Variants in MAP2K4 observed in about 807,000 individuals in gnomAD.
The protein encoded by MAP2K4 is dual specificity mitogen-activated protein kinase kinase 4.
Under a neutral mutation model 48.5 loss-of-function variants are expected in MAP2K4, and 4 were observed. That is an observed-to-expected ratio of 0.08 (90% confidence interval 0.04 to 0.19). MAP2K4 has a LOEUF of 0.19. Ranked by LOEUF, MAP2K4 falls within the 10% of genes least tolerant of loss-of-function variation. MAP2K4 has a pLI of 1.00. For synonymous variants in MAP2K4, 166 were observed against 173.1 expected (o/e 0.96, Z 0.32); for missense variants, 258 against 493.3 (o/e 0.52, Z 4.52).
chr17:12,110,619 ATCTT>A lies in MAP2K4; in HGVS notation c.685+194_685+197del, dbSNP rs1480564192. 50 of 535,998 alleles carry A rather than the reference ATCTT, an allele frequency of 9.3e-5. No homozygotes were observed. The African/African-American group carries it at 9.4e-4, about 10-fold the overall frequency. 33.2% of individuals were successfully genotyped at this position (535,998 alleles called of 1,614,324 possible). A position where few individuals can be genotyped will look rare whatever the true frequency, so the allele number is the denominator to read the frequency against. ...TTTGGGATTCAATAAATTTCAGTCT[ATCTT>A]AGTATGTTGGACTTAGAAACTGAAA... On this transcript the variant is annotated intron_variant, in intron 6 of 10. Coordinates refer to ENST00000353533, the MANE Select transcript of MAP2K4 (RefSeq NM_003010.4).
intron 2 of MAP2K4, among the ~76,000 whole-genome samples, chr17:12,080,010 T>G (rs1272832288): frequency 6.6e-6 from 1 of 152,228 alleles, no homozygotes; most frequent in Non-Finnish European, 1.5e-5. Flanking sequence ...TATCACTTAG[T>G]ATGATTTGAA....
At chr17:12,058,219 A>G (rs889282824) in intron 2 of MAP2K4, among the ~76,000 whole-genome samples, 4 of 147,782 alleles carry the variant, frequency 2.7e-5, no homozygotes, top group African/African-American at 9.9e-5. Flanking sequence ...GGAATTAACT[A>G]GACCTTTCTT....
intron 2 of MAP2K4, among the ~76,000 whole-genome samples, chr17:12,062,743 A>G (rs536914243): frequency 4.1e-4 from 63 of 152,136 alleles, no homozygotes; most frequent in African/African-American, 1.4e-3. Flanking sequence ...AATGTTTTCT[A>G]TTTTCCATGG....
intron 4 of MAP2K4, among the ~76,000 whole-genome samples, chr17:12,104,824 A>G (rs531766975): frequency 1.3e-5 from 2 of 152,226 alleles, no homozygotes; most frequent in South Asian, 4.1e-4. Flanking sequence ...TTTTTCCTAT[A>G]TAAAAGTCAT....
At chr17:12,113,020 C>A in intron 6 of MAP2K4, 1 of 377,142 alleles carries the variant, frequency 2.7e-6, no homozygotes, top group East Asian at 3.7e-5. Context: ...TTTGCTGTTA[C>A]ATTTACACAA....
intron 7 of MAP2K4, chr17:12,115,659 A>C (rs370429210): frequency 1.1e-5 from 8 of 754,848 alleles, no homozygotes; most frequent in Non-Finnish European, 1.5e-5. Flanking sequence ...TAACACAGCA[A>C]AGTGAACCAG....
intron 1 of MAP2K4, among the ~76,000 whole-genome samples, chr17:12,054,635 A>G (rs1450803578): frequency 1.3e-5 from 2 of 152,176 alleles, no homozygotes; most frequent in African/African-American, 4.8e-5. Flanking sequence ...TTCCCTGAAT[A>G]ATGGAAACTT....
intron 2 of MAP2K4, among the ~76,000 whole-genome samples, chr17:12,080,025 T>A (rs1971138483): frequency 6.6e-6 from 1 of 152,242 alleles, no homozygotes; most frequent in Non-Finnish European, 1.5e-5. Context: ...TTTGAAAGTC[T>A]GTTATTTGGA....
intron 9 of MAP2K4, among the ~76,000 whole-genome samples, chr17:12,131,234 CTT>C (rs11307653): frequency 6.3e-4 from 83 of 130,884 alleles, no homozygotes; most frequent in East Asian, 4.0e-3. Flanking sequence ...GGTCACATTT[CTT>C]TTTTTTTTTT....
intron 1 of MAP2K4, among the ~76,000 whole-genome samples, chr17:12,054,657 A>T (rs942013697): frequency 2.0e-5 from 3 of 152,168 alleles, no homozygotes; most frequent in Admixed American, 2.0e-4. Flanking sequence ...AAGTGATAGC[A>T]TTCTATCTAT....
At position 12,141,155 on chromosome 17, in the gene MAP2K4, C is replaced by G. The variant is rs933019550; in HGVS notation, c.1095C>G (p.Pro365=). 6 of 1,608,720 alleles carry G rather than the reference C, an allele frequency of 3.7e-6. No homozygotes were observed. Among genetic ancestry groups the G allele is most frequent in the African/African-American group, 1.3e-5 (1 of 74,906 alleles). Residue 365 remains proline (P), a synonymous_variant, in exon 11 of 11, where the codon CCC becomes CCG. Transcript: ENST00000353533. The part of the protein sequence containing the change: ...RPKYKELLKH[P]FILMYEERAV... ...TTTCAATTTTCTTGCAGAAACATCC[C>G]TTTATTTTGATGTATGAAGAACGTG...
In MAP2K4 at chr17:12,129,351, TAGC is replaced by T. The variant is rs145408592; in HGVS notation, c.1040+69_1040+71del. 5.3e-4 allele frequency: 847 copies of T among 1,594,284 alleles called. 5 individuals carry two copies. In the African/African-American group the frequency reaches 9.2e-3, roughly 17 times the overall value. On this transcript the variant is annotated intron_variant, in intron 9 of 10. Coordinates refer to ENST00000353533, the MANE Select transcript of MAP2K4 (RefSeq NM_003010.4). Reference sequence around the variant, plus strand: ...GAGAATAGTGAGATTTACTTGGTCTTAGCAGCATTGGTACTTTACATGGAGGAA... The same window carrying T: ...GAGAATAGTGAGATTTACTTGGTCTTAGCATTGGTACTTTACATGGAGGAA...
chr17:12,088,362 T>G (rs1971432671), intron 3 of MAP2K4, among the ~76,000 whole-genome samples: 1 of 148,116 alleles, frequency 6.8e-6, no homozygotes, highest in South Asian at 2.1e-4. Context: ...TGTTTGTAGA[T>G]CACAGAAACT....
chr17:12,035,342 A>G (rs968979790), intron 1 of MAP2K4, among the ~76,000 whole-genome samples: 1 of 150,998 alleles, frequency 6.6e-6, no homozygotes, highest in African/African-American at 2.4e-5. Flanking sequence ...ACATGGAGAA[A>G]CCCCGCCTCT....
chr17:12,039,830 AT>A (rs537083543), intron 1 of MAP2K4, among the ~76,000 whole-genome samples: 2 of 151,636 alleles, frequency 1.3e-5, no homozygotes, highest in African/African-American at 4.8e-5. Context: ...TTTCCTTACC[AT>A]TTTTTTTGTT....
chr17:12,058,868 T>C (rs1970365872), intron 2 of MAP2K4, among the ~76,000 whole-genome samples: 1 of 152,176 alleles, frequency 6.6e-6, no homozygotes, highest in Admixed American at 6.5e-5. Flanking sequence ...TGAAGTGAGG[T>C]CTATACAAGG....
chr17:12,141,287 A>ACT lies in MAP2K4; in HGVS notation c.*27_*28insCT, dbSNP rs750313329. The ACT allele has an allele frequency of 8.3e-5, 125 of 1,504,594 alleles. No individual in the cohort carries two copies. Among genetic ancestry groups the ACT allele is most frequent in the Non-Finnish European group, 1.1e-4 (119 of 1,080,516 alleles). 93.2% of individuals were successfully genotyped at this position (1,504,594 alleles called of 1,614,324 possible). The stretch of plus-strand genomic sequence containing the variant: ...ATCGCTGCTACATCAGACTCTAGAA[A>ACT]AAAGGGCTGAGAGGAAGCAAGACGT... On this transcript the variant is annotated 3_prime_UTR_variant, in exon 11 of 11. Coordinates refer to ENST00000353533, the MANE Select transcript of MAP2K4 (RefSeq NM_003010.4).
intron 4 of MAP2K4, among the ~76,000 whole-genome samples, chr17:12,104,191 C>T (rs1301739351): frequency 2.0e-5 from 3 of 152,148 alleles, no homozygotes; most frequent in African/African-American, 7.2e-5. Flanking sequence ...GTTAAGGTTA[C>T]CTCATGATCC....
chr17:12,068,883 T>C (rs922519645), intron 2 of MAP2K4, among the ~76,000 whole-genome samples: 1 of 151,976 alleles, frequency 6.6e-6, no homozygotes, highest in African/African-American at 2.4e-5. Context: ...AGATTGGAGA[T>C]AAAAAGTTGA....
Sources: allele counts gnomAD v4.1 joint callset (sites outside exome capture counted in the v4.1 genomes callset), GRCh38; gene constraint gnomAD v4.1.1; transcripts MANE v1.5; gene names NCBI Gene and HGNC (gene_info 2026-07-23, HGNC 2026-07-21).